Variants in GRID2 observed in about 807,000 individuals in gnomAD.
The protein encoded by GRID2 is glutamate receptor ionotropic, delta-2.
GRID2 carries 33 observed loss-of-function variants against 114.8 expected under a neutral mutation model. The observed-to-expected ratio is 0.29, with a 90% CI of 0.22 to 0.38. GRID2 has a LOEUF of 0.38. Ranked by LOEUF, GRID2 falls within the 10% of genes least tolerant of loss-of-function variation. The probability of loss-of-function intolerance (pLI) is 1.00; values close to 1 mark genes in which losing one functional copy is unlikely to be tolerated. For synonymous variants in GRID2, 505 were observed against 449.9 expected (o/e 1.12, Z -1.55); for missense variants, 1,184 against 1,257.7 (o/e 0.94, Z 0.89).
chr4:92,485,324 ATATATATATATATATATATATATAGT>A (rs911704675), intron 1 of GRID2, among the ~76,000 whole-genome samples: 8 of 97,034 alleles, frequency 8.2e-5, no homozygotes, highest in East Asian at 3.1e-4. Context: ...ATATATATAT[ATATATATATATATATATATATATAGT>A]GTGTGTGTGT....
At chr4:92,818,844 T>G (rs1286340050) in intron 2 of GRID2, among the ~76,000 whole-genome samples, 1 of 152,178 alleles carries the variant, frequency 6.6e-6, no homozygotes, top group Admixed American at 6.6e-5. Flanking sequence ...TGAAGCATGT[T>G]TTCTACATGA....
intron 2 of GRID2, among the ~76,000 whole-genome samples, chr4:92,698,528 CTT>C (rs1316562618): frequency 6.6e-6 from 1 of 151,390 alleles, no homozygotes; most frequent in Admixed American, 6.6e-5. Context: ...CATATTATGA[CTT>C]AACTGTATAT....
chr4:92,947,036 G>C (rs186444282), intron 2 of GRID2, among the ~76,000 whole-genome samples: 2 of 152,014 alleles, frequency 1.3e-5, no homozygotes, highest in South Asian at 4.1e-4. Context: ...GCACTACCTT[G>C]TATAATTATG....
At chr4:92,478,740 T>C (rs1027105854) in intron 1 of GRID2, among the ~76,000 whole-genome samples, 1 of 152,142 alleles carries the variant, frequency 6.6e-6, no homozygotes, top group Non-Finnish European at 1.5e-5. Context: ...TTTTTTTCCC[T>C]TTATGGTTTT....
intron 2 of GRID2, among the ~76,000 whole-genome samples, chr4:92,685,473 G>T (rs1733853866): frequency 1.3e-5 from 2 of 152,050 alleles, no homozygotes; most frequent in Admixed American, 1.3e-4. Context: ...AGGAAAAAGG[G>T]AAGTGGCATA....
At chr4:93,792,877 T>C (rs563136239) in intron 1 of GRID2, among the ~76,000 whole-genome samples, 1 of 152,322 alleles carries the variant, frequency 6.6e-6, no homozygotes, top group East Asian at 1.9e-4. Flanking sequence ...GAGTGCCAGC[T>C]GGAGGTCCCA....
intron 8 of GRID2, among the ~76,000 whole-genome samples, chr4:93,287,934 C>T (rs1481045513): frequency 8.5e-5 from 13 of 152,156 alleles, no homozygotes; most frequent in Admixed American, 8.5e-4. Flanking sequence ...AGGATGAAGG[C>T]ATAAATTAGG....
chr4:93,302,241 C>T (rs1754955463), intron 8 of GRID2, among the ~76,000 whole-genome samples: 1 of 152,086 alleles, frequency 6.6e-6, no homozygotes, highest in Non-Finnish European at 1.5e-5. Context: ...TTATCAAGTA[C>T]AGTACAGGCT....
chr4:92,353,090 A>G (rs542571604), intron 1 of GRID2, among the ~76,000 whole-genome samples: 1 of 151,594 alleles, frequency 6.6e-6, no homozygotes, highest in South Asian at 2.1e-4. Flanking sequence ...GTTCATATTA[A>G]CTTACCTTCA....
chr4:92,350,134 C>G (rs1299712600), intron 1 of GRID2, among the ~76,000 whole-genome samples: 4 of 151,892 alleles, frequency 2.6e-5, no homozygotes, highest in African/African-American at 9.7e-5. Flanking sequence ...TTTTGATTGT[C>G]TGAATGTCAG....
chr4:92,549,795 T>C (rs1726483323), intron 1 of GRID2, among the ~76,000 whole-genome samples: 1 of 152,148 alleles, frequency 6.6e-6, no homozygotes. Context: ...AGTGGTCATG[T>C]TTAAAATGTA....
At chr4:93,311,680 C>A (rs1221506813) in intron 8 of GRID2, among the ~76,000 whole-genome samples, 1 of 152,140 alleles carries the variant, frequency 6.6e-6, no homozygotes, top group East Asian at 1.9e-4. Context: ...GGCAGACGAG[C>A]ATTCAGTGGA....
chr4:93,387,910 T>C (rs1314671640), intron 8 of GRID2, among the ~76,000 whole-genome samples: 1 of 152,016 alleles, frequency 6.6e-6, no homozygotes, highest in Non-Finnish European at 1.5e-5. Context: ...TCATCTAAAT[T>C]TGTTTAGTAT....
At chr4:93,455,073 T>C (rs1202498417) in intron 10 of GRID2, among the ~76,000 whole-genome samples, 2 of 152,136 alleles carry the variant, frequency 1.3e-5, no homozygotes, top group African/African-American at 2.4e-5. Flanking sequence ...TACTTTTTCA[T>C]TAAAATATTT....
chr4:93,470,792 A>G (rs1724727409), intron 11 of GRID2, among the ~76,000 whole-genome samples: 1 of 152,152 alleles, frequency 6.6e-6, no homozygotes, highest in Non-Finnish European at 1.5e-5. Flanking sequence ...TTCAAAAACA[A>G]AAATCTACAG....
chr4:93,157,778 A>G (rs749097002), intron 4 of GRID2, among the ~76,000 whole-genome samples: 4 of 151,650 alleles, frequency 2.6e-5, no homozygotes, highest in Non-Finnish European at 4.4e-5. Flanking sequence ...CTCTCTCGCT[A>G]CACCAGAATT....
At chr4:93,184,029 C>A (rs1170774806) in intron 4 of GRID2, among the ~76,000 whole-genome samples, 1 of 152,202 alleles carries the variant, frequency 6.6e-6, no homozygotes, top group East Asian at 1.9e-4. Flanking sequence ...AGAAAAGGAG[C>A]AGTAACTGTG....
intron 2 of GRID2, among the ~76,000 whole-genome samples, chr4:93,082,107 C>T (rs887959109): frequency 1.3e-5 from 2 of 152,142 alleles, no homozygotes; most frequent in African/African-American, 4.8e-5. Context: ...GGGGAAATGG[C>T]AGGTTGCTGT....
At chr4:93,044,056 C>G (rs1725890954) in intron 2 of GRID2, among the ~76,000 whole-genome samples, 1 of 152,044 alleles carries the variant, frequency 6.6e-6, no homozygotes. Context: ...AGACTACTGT[C>G]TTCTAAATTT....
Sources: allele counts gnomAD v4.1 joint callset (sites outside exome capture counted in the v4.1 genomes callset), GRCh38; gene constraint gnomAD v4.1.1; transcripts MANE v1.5; gene names NCBI Gene and HGNC (gene_info 2026-07-23, HGNC 2026-07-21).